INTS3: variants seen among roughly 807,000 people sequenced by gnomAD.
INTS3 encodes SOSS complex subunit A.
In INTS3, 34 loss-of-function variants were observed where a neutral mutation model predicts 146.3. The observed-to-expected ratio is 0.23, with a 90% CI of 0.18 to 0.31. The LOEUF is 0.31. Among genes scored for constraint, INTS3 ranks in the 10% least tolerant of loss-of-function variants. INTS3 has a pLI of 1.00. For missense variants in INTS3, 757 were observed against 1,304.2 expected, an observed-to-expected ratio of 0.58 and a Z score of 6.46; for synonymous variants, 475 against 494.9, an observed-to-expected ratio of 0.96 and a Z score of 0.53.
intron 12 of INTS3, 101 bp from the exon 13 acceptor site, chr1:153,760,726 G>C: frequency 1.1e-6 from 1 of 926,500 alleles, no homozygotes; most frequent in Non-Finnish European, 1.8e-6. Flanking sequence ...ATACTCCCCA[G>C]TGTCCCCTGA....
At chr1:153,744,133 AAC>A (rs1443167524) in intron 3 of INTS3, among the ~76,000 whole-genome samples, 1 of 151,370 alleles carries the variant, frequency 6.6e-6, no homozygotes. Context: ...AGAGGTCGGT[AAC>A]ACAACTGGCA....
rs774638883 is a variant in INTS3 at position 153,751,251 on chromosome 1, G to C, written c.729+12G>C. The C allele has an allele frequency of 6.2e-7, 1 of 1,613,164 alleles. No homozygotes were observed. Among genetic ancestry groups the C allele is most frequent in the South Asian group, 1.1e-5 (1 of 91,032 alleles). ...TGCTTCGGGAACGGGTGAGGGAACA[G>C]GACAAAAATAATGTGGGGAAGTGAG... On this transcript the variant is annotated intron_variant, in intron 7 of 29. Transcript: ENST00000318967.
rs774932215 is a variant in INTS3 at position 153,772,489 on chromosome 1, C to T, written c.2821+49C>T. On this transcript the variant is annotated intron_variant, in intron 27 of 29. Coordinates refer to ENST00000318967, the MANE Select transcript of INTS3 (RefSeq NM_023015.5). This position sits in a 1 kb window ranked among gnomAD's most constrained non-coding sequence, Gnocchi z 4.6. ...CAGTGTAGACGGTGCTGCCCTGGCC[C>T]AGACTATGCCTGGAGCCAGGCTGGG... The T allele has an allele frequency of 8.7e-6, 14 of 1,613,730 alleles. No homozygotes were observed. Among genetic ancestry groups the T allele is most frequent in the African/African-American group, 1.3e-5 (1 of 74,898 alleles).
At position 153,767,666 on chromosome 1, in the gene INTS3, T is replaced by C. The variant is rs768347043; in HGVS notation, c.2091-8T>C. ...AGGCTGCTGGCTCAGGCCCAGCTGG[T>C]CTTGCAGCAAAGCCGCCGCAGGGAA... On this transcript the variant is annotated splice_polypyrimidine_tract_variant and splice_region_variant and intron_variant, in intron 20 of 29. Transcript: ENST00000318967. 9 of 1,571,346 alleles carry C rather than the reference T, an allele frequency of 5.7e-6. No individual in the cohort carries two copies. The highest frequency in any genetic ancestry group is 8.7e-7 in the Non-Finnish European group (1 of 1,152,648).
chr1:153,742,478 C>CTGTGTGTGTGTGTG (rs35008806), intron 3 of INTS3, among the ~76,000 whole-genome samples: 3,261 of 147,508 alleles, frequency 0.022, 86 homozygotes, highest in African/African-American at 0.062. Flanking sequence ...TTTTTAATCT[C>CTGTGTGTGTGTGTG]TGTGTGTGTG....
chr1:153,773,352 T>G lies in INTS3; in HGVS notation c.*82T>G, dbSNP rs1345010565. 5 of 1,305,846 alleles carry G rather than the reference T, an allele frequency of 3.8e-6. No homozygotes were observed. The highest frequency in any genetic ancestry group is 5.6e-6 in the Non-Finnish European group (5 of 900,688). 80.9% of individuals were successfully genotyped at this position (1,305,846 alleles called of 1,614,324 possible). ...CAAAGGTTAATAGAGGCTGAGGAGA[T>G]TGCAGGGGAAACACCCTTGCTGCAT... On this transcript the variant is annotated 3_prime_UTR_variant, in exon 30 of 30. Coordinates refer to ENST00000318967, the MANE Select transcript of INTS3 (RefSeq NM_023015.5).
At chr1:153,745,872 G>A (rs547101678) in intron 3 of INTS3, among the ~76,000 whole-genome samples, 5 of 152,242 alleles carry the variant, frequency 3.3e-5, no homozygotes, top group South Asian at 4.1e-4. Flanking sequence ...TGAGGAGGCC[G>A]AGGTGGGAGA....
chr1:153,729,552 A>C (rs1335176261), intron 1 of INTS3, among the ~76,000 whole-genome samples: 1 of 152,186 alleles, frequency 6.6e-6, no homozygotes, highest in Non-Finnish European at 1.5e-5. Context: ...CCACTCCTAC[A>C]AACGAGAATA....
chr1:153,760,892 C>A lies in INTS3; in HGVS notation c.1383C>A (p.Asn461Lys), dbSNP rs1191600238. The A allele has an allele frequency of 6.2e-7, 1 of 1,613,966 alleles. No individual in the cohort carries two copies. The highest frequency in any genetic ancestry group is 8.5e-7 in the Non-Finnish European group (1 of 1,179,944). The change falls in exon 13 of 30, where the codon AAC becomes AAA. Residue 461 changes from asparagine (N) to lysine (K), a missense_variant. Coordinates refer to ENST00000318967, the MANE Select transcript of INTS3 (RefSeq NM_023015.5). ...HVRQGVFSSL[N>K]HIVEKRVLAH... ...GGCAGGGTGTCTTTTCCTCCCTCAA[C>A]CACATTGTGGAGAAACGGGTCTTGG...
At chr1:153,761,066 C>G in intron 13 of INTS3, 148 bp downstream of exon 13, 1 of 1,453,040 alleles carries the variant, frequency 6.9e-7, no homozygotes, top group Non-Finnish European at 9.1e-7. Context: ...CATATGTCTT[C>G]TTGGCTCTTA....
In INTS3 at chr1:153,763,427, T is replaced by C. The variant is rs573134987; in HGVS notation, c.1766+65T>C. ...CCCAGGCTCTCTACCTGGTGCTTAA[T>C]GGGTATAGCAGGAGATGGGGGTTGG... On this transcript the variant is annotated intron_variant, in intron 16 of 29. Coordinates refer to ENST00000318967, the MANE Select transcript of INTS3 (RefSeq NM_023015.5). 106 of 1,570,742 alleles carry C rather than the reference T, an allele frequency of 6.7e-5. No homozygotes were observed. In the African/African-American group the frequency reaches 1.2e-3, roughly 18 times the overall value.
At chr1:153,756,828 A>C (rs1472746033) in intron 9 of INTS3, among the ~76,000 whole-genome samples, 1 of 152,196 alleles carries the variant, frequency 6.6e-6, no homozygotes, top group Non-Finnish European at 1.5e-5. Context: ...AAAAAAATAA[A>C]ATAAATAATA....
chr1:153,761,576 A>G lies in INTS3; in HGVS notation c.1416A>G (p.Leu472=), dbSNP rs1218086254. The part of the protein sequence containing the change: ...HIVEKRVLAH[L]APLFDNPKLD... The stretch of plus-strand genomic sequence containing the variant: ...CATCATGTTCCCCATTTAGACACCT[A>G]GCTCCCCTGTTTGACAACCCTAAGT... Residue 472 remains leucine (L), a synonymous_variant, in exon 14 of 30, where the codon CTA becomes CTG. Transcript: ENST00000318967. 1.9e-6 allele frequency: 3 copies of G among 1,612,180 alleles called. No homozygotes were observed. The highest frequency in any genetic ancestry group is 1.7e-5 in the Admixed American group (1 of 59,988).
chr1:153,741,496 T>G, intron 3 of INTS3, 128 bp downstream of exon 3: 1 of 669,506 alleles, frequency 1.5e-6, no homozygotes, highest in Non-Finnish European at 2.7e-6. Flanking sequence ...TCTCCAAATA[T>G]AGTTACAAGT....
chr1:153,731,317 T>C (rs1036358302), intron 1 of INTS3, among the ~76,000 whole-genome samples: 15 of 152,312 alleles, frequency 9.8e-5, no homozygotes, highest in African/African-American at 3.6e-4. Context: ...GCAGGAACTC[T>C]TAACTCTACT....
chr1:153,744,808 A>C (rs1468607330), intron 3 of INTS3, among the ~76,000 whole-genome samples: 1 of 152,212 alleles, frequency 6.6e-6, no homozygotes, highest in African/African-American at 2.4e-5. Context: ...AGGCCAAGAC[A>C]GGAGAAAGGT....
Position 153,774,094 on chromosome 1 carries a change from GTC to G in INTS3, c.*826_*827del, listed in dbSNP as rs937806394. ...GCCAGAATGTCTTTTGTGCTGGAGT[GTC>G]TGCTGGCATTTGCCCCGTGCATGTA... is the stretch of plus-strand genomic sequence containing the variant. On this transcript the variant is annotated 3_prime_UTR_variant, in exon 30 of 30. Transcript: ENST00000318967. 1 of 155,664 alleles carries G rather than the reference GTC, an allele frequency of 6.4e-6. No individual in the cohort carries two copies. The highest frequency in any genetic ancestry group is 2.4e-5 in the African/African-American group (1 of 41,170). 9.6% of individuals were successfully genotyped at this position (155,664 alleles called of 1,614,324 possible).
At chr1:153,732,620 G>A (rs954975175) in intron 1 of INTS3, among the ~76,000 whole-genome samples, 4 of 151,612 alleles carry the variant, frequency 2.6e-5, no homozygotes, top group Non-Finnish European at 4.4e-5. Flanking sequence ...TACTTTTTTT[G>A]CATTTTTAGT....
intron 1 of INTS3, among the ~76,000 whole-genome samples, chr1:153,736,761 C>CTTTTTTTT (rs5777880): frequency 2.1e-5 from 2 of 94,064 alleles, no homozygotes; most frequent in Admixed American, 1.3e-4. Context: ...GTCTTTCATT[C>CTTTTTTTT]TTTTTTTTTT....
Sources: gnomAD v4.1 joint callset for allele counts (sites outside exome capture counted in the v4.1 genomes callset) on GRCh38, gnomAD v4.1.1 for gene constraint, Gnocchi (gnomAD v3.1) non-coding constraint, MANE v1.5 for transcripts, NCBI Gene and HGNC (gene_info 2026-07-23, HGNC 2026-07-21) for gene names.